CACNA1S: variants seen among roughly 807,000 people sequenced by gnomAD.
CACNA1S encodes the protein voltage-dependent L-type calcium channel subunit alpha-1S.
In CACNA1S, 126 loss-of-function variants were observed where a neutral mutation model predicts 207.4. That is an observed-to-expected ratio of 0.61 (90% CI 0.53 to 0.70). The LOEUF is 0.70. Ranked by LOEUF, CACNA1S falls within the 30% of genes least tolerant of loss-of-function variation. The pLI is 0.00. For synonymous variants in CACNA1S, 960 were observed against 932.7 expected (o/e 1.03, Z -0.53); for missense variants, 2,349 against 2,422.8 (o/e 0.97, Z 0.64).
At chr1:201,077,304 G>A (rs907573829) in intron 11 of CACNA1S, among the ~76,000 whole-genome samples, 177 bp from the exon 12 acceptor site, 3 of 152,226 alleles carry the variant, frequency 2.0e-5, no homozygotes, top group East Asian at 1.9e-4. Context: ...TTCCTGCAGA[G>A]CACTTGTCTG....
At chr1:201,102,407 C>A (rs935878729) in intron 2 of CACNA1S, among the ~76,000 whole-genome samples, 3 of 152,094 alleles carry the variant, frequency 2.0e-5, no homozygotes, top group African/African-American at 7.2e-5. Flanking sequence ...AAGAGGCAGG[C>A]CCTCGTCAGC....
At position 201,074,573 on chromosome 1, in the gene CACNA1S, C is replaced by G; in HGVS notation, c.1996G>C (p.Glu666Gln). ...TGGGCAGAAGTCAGGCTCTCCGCCT[C>G]GGCCAGGTTGTCCACGGCAATGGCC... ...FLAIAVDNLA[E>Q]AESLTSAQKA... Residue 666 changes from glutamate to glutamine, a missense_variant, in exon 14 of 44, where the codon GAG becomes CAG. Physicochemically the swap from Glu to Gln is conservative, Grantham distance 29. Transcript: ENST00000362061. 2 of 1,614,052 alleles carry G rather than the reference C, an allele frequency of 1.2e-6. No homozygotes were observed. Among genetic ancestry groups the G allele is most frequent in the Non-Finnish European group, 1.7e-6 (2 of 1,179,950 alleles).
At chr1:201,109,450 A>G (rs1238339621) in intron 2 of CACNA1S, among the ~76,000 whole-genome samples, 1 of 152,250 alleles carries the variant, frequency 6.6e-6, no homozygotes, top group Non-Finnish European at 1.5e-5. Flanking sequence ...AATATTTAGC[A>G]CAAATCCTGG....
chr1:201,065,066 C>T (rs1661192829), intron 22 of CACNA1S, among the ~76,000 whole-genome samples: 1 of 152,176 alleles, frequency 6.6e-6, no homozygotes, highest in Admixed American at 6.5e-5. Context: ...GGAGGGGCCT[C>T]CCTCCCCAAG....
Position 201,053,526 on chromosome 1 carries a change from A to T in CACNA1S, c.3728T>A (p.Leu1243Gln), listed in dbSNP as rs762140010. The T allele has an allele frequency of 6.2e-7, 1 of 1,614,158 alleles. No homozygotes were observed. The highest frequency in any genetic ancestry group is 8.5e-7 in the Non-Finnish European group (1 of 1,180,006). ...TTCTGCCCGGCTCAGCAGCTTGATC[A>T]GCCTCATGACACGGAACAGGCGGAA... ...AFFRLFRVMRLIKLLSRAEGV... is the reference protein window; with the variant it reads ...AFFRLFRVMRQIKLLSRAEGV... Residue 1243 changes from leucine to glutamine, a missense_variant, in exon 30 of 44, where the codon CTG (leucine) becomes CAG (glutamine). Leu to Gln is a moderately radical substitution (Grantham distance 113). Coordinates refer to ENST00000362061, the MANE Select transcript of CACNA1S (RefSeq NM_000069.3). This position sits in a 1 kb window ranked among gnomAD's most constrained non-coding sequence, Gnocchi z 5.1.
intron 37 of CACNA1S, 66 bp from the exon 38 acceptor site, chr1:201,047,305 G>C (rs2102553275): frequency 6.2e-7 from 1 of 1,607,984 alleles, no homozygotes; most frequent in Non-Finnish European, 8.5e-7. Context: ...TTCAGAGTGG[G>C]AGCCAGCTGT....
intron 35 of CACNA1S, 82 bp from the exon 36 acceptor site, chr1:201,048,766 C>G: frequency 6.7e-6 from 8 of 1,201,500 alleles, no homozygotes; most frequent in Non-Finnish European, 8.6e-6. Flanking sequence ...GTCTGTGGAC[C>G]GGGAGGGGAC....
rs756061964 is a variant in CACNA1S, at chr1:201,091,629, T to C, written c.694+11A>G. 1 of 1,614,180 alleles carries C rather than the reference T, an allele frequency of 6.2e-7. No homozygotes were observed. Among genetic ancestry groups the C allele is most frequent in the Non-Finnish European group, 8.5e-7 (1 of 1,180,002 alleles). On this transcript the variant is annotated intron_variant, in intron 5 of 43. Transcript: ENST00000362061. ...CCCTGCCCCACAGCCCCACTTTCCC[T>C]GGGAGCTCACCTGTACCAATGAAGT...
intron 9 of CACNA1S, among the ~76,000 whole-genome samples, chr1:201,084,739 C>T (rs1661967087): frequency 6.6e-6 from 1 of 152,198 alleles, no homozygotes; most frequent in African/African-American, 2.4e-5. Context: ...AGGTCATCTG[C>T]TCAGGACCCC....
Position 201,074,514 on chromosome 1 carries a change from C to G in CACNA1S, c.2055G>C (p.Lys685Asn), listed in dbSNP as rs200844059. ...GCTAAGGAAGCACTCACTTGGACAT[C>G]TTCCTGCGTTTTTTCTCCTCAGCCT... is the stretch of plus-strand genomic sequence containing the variant. ...KAKAEEKKRRKMSKGLPDKSE... is the reference protein window; with the variant it reads ...KAKAEEKKRRNMSKGLPDKSE... Residue 685 changes from lysine (K) to asparagine (N), a missense_variant, in exon 14 of 44, where the codon AAG becomes AAC. By Grantham distance (94) the Lys-to-Asn change is moderately conservative. Coordinates refer to ENST00000362061, the MANE Select transcript of CACNA1S (RefSeq NM_000069.3). The G allele has an allele frequency of 6.3e-5, 102 of 1,610,038 alleles. No homozygotes were observed. Among genetic ancestry groups the G allele is most frequent in the Non-Finnish European group, 8.5e-5 (100 of 1,176,542 alleles).
At chr1:201,070,218 G>A in intron 17 of CACNA1S, 54 bp downstream of exon 17, 2 of 1,602,368 alleles carry the variant, frequency 1.2e-6, no homozygotes. Flanking sequence ...TCTAGGGCAG[G>A]GAAGCAGATG....
At chr1:201,044,498 A>T in intron 38 of CACNA1S, 42 bp from the exon 39 acceptor site, 1 of 1,604,102 alleles carries the variant, frequency 6.2e-7, no homozygotes, top group Non-Finnish European at 8.5e-7. Flanking sequence ...CCAGCCCAGG[A>T]GAGGAGACCA....
intron 28 of CACNA1S, among the ~76,000 whole-genome samples, chr1:201,055,748 T>G (rs547878404): frequency 6.6e-6 from 1 of 152,266 alleles, no homozygotes; most frequent in East Asian, 1.9e-4. Context: ...TGTAAATCAA[T>G]CTTCACGTGA....
At chr1:201,040,491 AGGGATCCCG>A in intron 42 of CACNA1S, 117 bp from the exon 43 acceptor site, 1 of 1,439,662 alleles carries the variant, frequency 6.9e-7, no homozygotes. Flanking sequence ...GGGAGGATGG[AGGGATCCCG>A]TCCCTTCTGT....
chr1:201,069,369 C>G, intron 18 of CACNA1S, 103 bp downstream of exon 18: 1 of 1,540,222 alleles, frequency 6.5e-7, no homozygotes. Flanking sequence ...CTAAGAAACT[C>G]TGATGCTTGT....
In CACNA1S at chr1:201,066,120, G is replaced by A; in HGVS notation, c.2745+109C>T. 2 of 1,115,734 alleles carry A rather than the reference G, an allele frequency of 1.8e-6. No homozygotes were observed. The highest frequency in any genetic ancestry group is 2.4e-5 in the East Asian group (1 of 41,128). 69.1% of individuals were successfully genotyped at this position (1,115,734 alleles called of 1,614,324 possible). ...TCATCCTTACCCCTATCTGCCCAGG[G>A]AGATGGGACAGGGGTCCCAGCCATG... On this transcript the variant is annotated intron_variant, in intron 21 of 43. Coordinates refer to ENST00000362061, the MANE Select transcript of CACNA1S (RefSeq NM_000069.3). This position sits in a 1 kb window ranked among gnomAD's most constrained non-coding sequence, Gnocchi z 4.3.
intron 2 of CACNA1S, among the ~76,000 whole-genome samples, chr1:201,098,001 C>T (rs573609386): frequency 2.0e-5 from 3 of 152,258 alleles, no homozygotes; most frequent in Non-Finnish European, 2.9e-5. Context: ...ATCACTGAGA[C>T]CTTCCTGGCT....
At chr1:201,091,576 G>A in intron 5 of CACNA1S, 64 bp downstream of exon 5, 2 of 1,569,528 alleles carry the variant, frequency 1.3e-6, no homozygotes, top group East Asian at 2.2e-5. Context: ...ACCAGGTAGG[G>A]TGGCTCCCCC....
In CACNA1S at chr1:201,093,272, C is replaced by A. The variant is rs6684744; in HGVS notation, c.398+610G>T. ...GGCCCTCATCCAATTTGACTGGTGTCCTTATAAGAAGAGGAACTCTGGACA... is the reference window on the plus strand; with the variant it reads ...GGCCCTCATCCAATTTGACTGGTGTACTTATAAGAAGAGGAACTCTGGACA... On this transcript the variant is annotated intron_variant, in intron 3 of 43. Transcript: ENST00000362061. 5.0e-3 allele frequency among the ~76,000 whole-genome samples: 764 copies of A among 152,214 alleles called. 10 individuals are homozygous for A. Among genetic ancestry groups the A allele is most frequent in the African/African-American group, 0.017 (725 of 41,540 alleles).
Sources: gnomAD v4.1 joint callset for allele counts (sites outside exome capture counted in the v4.1 genomes callset) on GRCh38, gnomAD v4.1.1 for gene constraint, Gnocchi (gnomAD v3.1) non-coding constraint, MANE v1.5 for transcripts, NCBI Gene and HGNC (gene_info 2026-07-23, HGNC 2026-07-21) for gene names.